AFF2: variants seen among roughly 807,000 people sequenced by gnomAD.
AFF2 encodes the protein ALF transcription elongation factor 2, also known as AF4/FMR2 family member 2.
A neutral mutation model predicts 76.9 loss-of-function variants in AFF2; 14 were observed. The observed-to-expected ratio is 0.18, with a 90% confidence interval of 0.12 to 0.28. The LOEUF is 0.28. Among genes scored for constraint, AFF2 ranks in the 10% least tolerant of loss-of-function variants. The pLI is 1.00. For missense variants in AFF2, 868 were observed against 1,001.1 expected (o/e 0.87, Z 1.79); for synonymous variants, 398 against 366.7 (o/e 1.09, Z -0.98).
intron 3 of AFF2, among the ~76,000 whole-genome samples, chrX:148,779,826 AGT>A (rs1557268921): frequency 8.9e-6 from 1 of 112,031 alleles, no homozygotes; most frequent in East Asian, 2.8e-4. Context: ...TGGTTGGTGC[AGT>A]TTCTTCATAG....
chrX:148,865,467 G>A (rs1199189862), intron 7 of AFF2, among the ~76,000 whole-genome samples: 1 of 111,982 alleles, frequency 8.9e-6, no homozygotes, highest in Non-Finnish European at 1.9e-5. Context: ...GATTGAAAGG[G>A]CACTTTATAA....
chrX:148,751,205 C>T (rs1557266455), intron 3 of AFF2, among the ~76,000 whole-genome samples: 1 of 112,333 alleles, frequency 8.9e-6, no homozygotes, highest in Non-Finnish European at 1.9e-5. Flanking sequence ...CAGAGAATTG[C>T]TAGTATCACC....
chrX:148,890,901 G>T (rs1007844443), intron 8 of AFF2, among the ~76,000 whole-genome samples: 3 of 112,306 alleles, frequency 2.7e-5, no homozygotes, highest in African/African-American at 9.7e-5. Flanking sequence ...ATCCAGAACA[G>T]TGTTGGAATT....
intron 3 of AFF2, among the ~76,000 whole-genome samples, chrX:148,712,984 A>G (rs782524475): frequency 5.5e-4 from 61 of 111,730 alleles, no homozygotes; most frequent in African/African-American, 1.9e-3. Context: ...CAGGGGCTCA[A>G]TTTCTAAGAG....
At chrX:148,536,171 A>C (rs1474779674) in intron 1 of AFF2, among the ~76,000 whole-genome samples, 2 of 108,821 alleles carry the variant, frequency 1.8e-5, no homozygotes, top group Middle Eastern at 4.2e-3. Context: ...AGATTGTACC[A>C]CTACACTCCA....
intron 1 of AFF2, among the ~76,000 whole-genome samples, chrX:148,581,213 A>G (rs1476388588): frequency 3.5e-5 from 3 of 84,866 alleles, no homozygotes; most frequent in African/African-American, 1.3e-4. Flanking sequence ...ACGTATACAC[A>G]CATATATAAT....
At chrX:148,612,645 T>A (rs1485127270) in intron 1 of AFF2, among the ~76,000 whole-genome samples, 1 of 112,232 alleles carries the variant, frequency 8.9e-6, no homozygotes, top group Non-Finnish European at 1.9e-5. Flanking sequence ...GTAAGCTGGT[T>A]ATTGTCCTTG....
intron 3 of AFF2, among the ~76,000 whole-genome samples, chrX:148,796,875 A>T (rs1011900238): frequency 8.9e-6 from 1 of 112,269 alleles, no homozygotes; most frequent in Non-Finnish European, 1.9e-5. Context: ...TTTAGCAATA[A>T]CCTCATACTT....
chrX:148,503,091 C>T (rs1212283455), intron 1 of AFF2, among the ~76,000 whole-genome samples: 2 of 112,476 alleles, frequency 1.8e-5, no homozygotes, highest in Non-Finnish European at 3.8e-5. Flanking sequence ...TAGTGTAACG[C>T]ATCTGCATAA....
chrX:148,564,681 A>T (rs2053149766), intron 1 of AFF2, among the ~76,000 whole-genome samples: 1 of 110,972 alleles, frequency 9.0e-6, no homozygotes, highest in African/African-American at 3.3e-5. Context: ...CAAGTAGCCT[A>T]ATTATCCTTC....
chrX:148,999,446 A>G lies in AFF2; in HGVS notation c.*8114A>G, dbSNP rs1557293896. On this transcript the variant is annotated 3_prime_UTR_variant, in exon 21 of 21. Coordinates refer to ENST00000370460, the MANE Select transcript of AFF2 (RefSeq NM_002025.4). Reference sequence around the variant, plus strand: ...TTTGTATATTTAAGTGTCATAGAAAATATTTATTGAGTAACTGGGACACAA... The same window carrying G: ...TTTGTATATTTAAGTGTCATAGAAAGTATTTATTGAGTAACTGGGACACAA... 1 of 112,621 alleles carries G rather than the reference A, an allele frequency of 8.9e-6. No individual in the cohort carries two copies. Among genetic ancestry groups the G allele is most frequent in the Non-Finnish European group, 1.9e-5 (1 of 53,333 alleles). 9.3% of individuals were successfully genotyped at this position (112,621 alleles called of 1,213,427 possible).
rs1557231602 is a variant in AFF2, at chrX:148,500,691, C to CGCCGCCGCCG, written c.-407_-406insGCCGCCGCCG. On this transcript the variant is annotated 5_prime_UTR_variant, in exon 1 of 21. Coordinates refer to ENST00000370460, the MANE Select transcript of AFF2 (RefSeq NM_002025.4). Reference sequence around the variant, plus strand: ...CCGCCGCCGCCGCCGCCGCTGCCGCCCCGGCTGCCGCGCCGCGCCGCTGCC... The same window carrying CGCCGCCGCCG: ...CCGCCGCCGCCGCCGCCGCTGCCGCCGCCGCCGCCGCCGGCTGCCGCGCCGCGCCGCTGCC... The CGCCGCCGCCG allele has an allele frequency of 3.3e-5, 3 of 91,592 alleles. No homozygotes were observed. The highest frequency in any genetic ancestry group is 6.6e-5 in the Non-Finnish European group (3 of 45,321). 7.5% of individuals were successfully genotyped at this position (91,592 alleles called of 1,213,427 possible).
chrX:148,710,387 T>C (rs2054952062), intron 3 of AFF2, among the ~76,000 whole-genome samples: 1 of 112,002 alleles, frequency 8.9e-6, no homozygotes, highest in Non-Finnish European at 1.9e-5. Flanking sequence ...GAGCAATACT[T>C]ATAATTTTTC....
At chrX:148,752,277 A>G (rs1183149561) in intron 3 of AFF2, among the ~76,000 whole-genome samples, 1 of 112,069 alleles carries the variant, frequency 8.9e-6, no homozygotes, top group Non-Finnish European at 1.9e-5. Flanking sequence ...ACAAGTTATA[A>G]TATGAACTTT....
intron 1 of AFF2, among the ~76,000 whole-genome samples, chrX:148,514,689 C>A (rs1375744259): frequency 8.9e-6 from 1 of 112,062 alleles, no homozygotes; most frequent in Non-Finnish European, 1.9e-5. Flanking sequence ...AAATACACAA[C>A]CCTCAGTTCT....
At chrX:148,836,474 T>C (rs1362005853) in intron 4 of AFF2, among the ~76,000 whole-genome samples, 1 of 111,623 alleles carries the variant, frequency 9.0e-6, no homozygotes, top group Non-Finnish European at 1.9e-5. Context: ...ACTAATTATG[T>C]TACTTATAAA....
intron 7 of AFF2, among the ~76,000 whole-genome samples, chrX:148,860,961 A>G (rs1213856967): frequency 2.7e-5 from 3 of 111,590 alleles, no homozygotes; most frequent in African/African-American, 9.8e-5. Flanking sequence ...TCTTTTATTT[A>G]TAAAGCATTA....
intron 7 of AFF2, among the ~76,000 whole-genome samples, chrX:148,882,062 T>C (rs1292348655): frequency 8.9e-6 from 1 of 111,769 alleles, no homozygotes; most frequent in African/African-American, 3.3e-5. Context: ...TCTATAATAA[T>C]GTTTCAAGCC....
chrX:148,513,154 A>G (rs1014921498), intron 1 of AFF2, among the ~76,000 whole-genome samples: 6 of 112,680 alleles, frequency 5.3e-5, no homozygotes, highest in African/African-American at 1.9e-4. Context: ...TATTATTATA[A>G]AGCAAATTCA....
Sources: allele counts gnomAD v4.1 joint callset (sites outside exome capture counted in the v4.1 genomes callset), GRCh38; gene constraint gnomAD v4.1.1; transcripts MANE v1.5; gene names NCBI Gene and HGNC (gene_info 2026-07-23, HGNC 2026-07-21).